RPS6KC1: variants seen among roughly 807,000 people sequenced by gnomAD.
RPS6KC1 encodes the protein ribosomal protein S6 kinase C1, also known as inactive ribosomal protein S6 kinase delta-1.
A neutral mutation model predicts 103.8 loss-of-function variants in RPS6KC1; 54 were observed. That is an observed-to-expected ratio of 0.52 (90% CI 0.42 to 0.65). RPS6KC1 has a LOEUF of 0.65. RPS6KC1 is among the 30% of genes least tolerant of loss of function. The pLI, the probability that RPS6KC1 is intolerant of heterozygous loss-of-function variation, is 0.00. For synonymous variants in RPS6KC1, 439 were observed against 438.7 expected (o/e 1.00, Z -0.01); for missense variants, 1,151 against 1,253.8 (o/e 0.92, Z 1.24).
chr1:213,283,689 G>A, the RPS6KC1 span, among the ~76,000 whole-genome samples: 1 of 152,164 alleles, frequency 6.6e-6, no homozygotes, highest in African/African-American at 2.4e-5. Context: ...TGCCAGCACT[G>A]CCTTCTAGTG....
intron 8 of RPS6KC1, among the ~76,000 whole-genome samples, chr1:213,189,375 G>A (rs764781496): frequency 6.7e-6 from 1 of 150,276 alleles, no homozygotes; most frequent in African/African-American, 2.5e-5. Flanking sequence ...CTTTAACCCA[G>A]GAGGCAGAGG....
chr1:213,127,285 A>G (rs2085090532), intron 5 of RPS6KC1, among the ~76,000 whole-genome samples: 1 of 152,222 alleles, frequency 6.6e-6, no homozygotes, highest in Non-Finnish European at 1.5e-5. Flanking sequence ...GTGCTTGGGC[A>G]TGAATCAAGG....
In RPS6KC1 at chr1:213,214,339, G is replaced by A. The variant is rs147688649; in HGVS notation, c.1045-16158G>A. Among the ~76,000 whole-genome samples the A allele has an allele frequency of 9.3e-3, 1,411 of 152,332 alleles. 44 individuals carry two copies. Among genetic ancestry groups the A allele is most frequent in the East Asian group, 0.071 (366 of 5,176 alleles). ...CAGCGAGGCTGGGGAAGGGGTGCCCGCCCTTGCTGAGGCTTGAGTAGGTAA... is the reference window on the plus strand; with the variant it reads ...CAGCGAGGCTGGGGAAGGGGTGCCCACCCTTGCTGAGGCTTGAGTAGGTAA... On this transcript the variant is annotated intron_variant, in intron 8 of 14. Transcript: ENST00000366960.
chr1:213,419,632 T>C, the RPS6KC1 span, among the ~76,000 whole-genome samples: 1 of 152,188 alleles, frequency 6.6e-6, no homozygotes, highest in Non-Finnish European at 1.5e-5. Context: ...AACATTCAAC[T>C]GCAACCAAAG....
the RPS6KC1 span, among the ~76,000 whole-genome samples, chr1:213,318,458 G>A: frequency 6.6e-6 from 1 of 152,226 alleles, no homozygotes; most frequent in East Asian, 1.9e-4. Flanking sequence ...ATCATAAATT[G>A]AGTTTTGGTC....
the RPS6KC1 span, among the ~76,000 whole-genome samples, chr1:213,566,657 A>G: frequency 0.023 from 3,439 of 150,730 alleles, 68 homozygotes; most frequent in African/African-American, 0.048. Context: ...CAGATCTTTC[A>G]TTCCTCAGAT....
At chr1:213,455,645 GA>G in the RPS6KC1 span, among the ~76,000 whole-genome samples, 1 of 152,132 alleles carries the variant, frequency 6.6e-6, no homozygotes, top group Non-Finnish European at 1.5e-5. Context: ...ATTATGCAGA[GA>G]GAGTATAGAT....
chr1:213,132,865 T>G lies in RPS6KC1; in HGVS notation c.835+2976T>G, dbSNP rs571256529. 2.0e-5 allele frequency among the ~76,000 whole-genome samples: 3 copies of G among 152,276 alleles called. No individual in the cohort carries two copies. The East Asian group carries it at 5.8e-4, about 29-fold the overall frequency. On this transcript the variant is annotated intron_variant, in intron 6 of 14. Coordinates refer to ENST00000366960, the MANE Select transcript of RPS6KC1 (RefSeq NM_012424.6). The stretch of plus-strand genomic sequence containing the variant: ...CAAAGATTCTTGTGGGTTGGCAAAT[T>G]TTGTTATTTTGTTACTAAACTATTC...
At chr1:213,854,498 ATC>A in the RPS6KC1 span, among the ~76,000 whole-genome samples, 9 of 141,134 alleles carry the variant, frequency 6.4e-5, no homozygotes, top group Non-Finnish European at 1.1e-4. Flanking sequence ...GGCCAATATA[ATC>A]TCTTTCTTTC....
At chr1:213,477,558 A>G in the RPS6KC1 span, among the ~76,000 whole-genome samples, 288 of 152,272 alleles carry the variant, frequency 1.9e-3, no homozygotes, top group African/African-American at 6.7e-3. Context: ...TGTTTTTTAA[A>G]ATTTGTAGTT....
chr1:213,822,272 A>C, the RPS6KC1 span: 5,869 of 152,268 alleles, frequency 0.039, 214 homozygotes, highest in East Asian at 0.17. Context: ...TTCTTTTGCC[A>C]GGTCTTCCTC....
the RPS6KC1 span, among the ~76,000 whole-genome samples, chr1:213,321,601 T>C: frequency 3.3e-5 from 5 of 152,228 alleles, no homozygotes; most frequent in East Asian, 1.9e-4. Context: ...GCACCTACTA[T>C]GGACCAGGCA....
intron 2 of RPS6KC1, among the ~76,000 whole-genome samples, chr1:213,071,453 C>T (rs571214795): frequency 1.3e-5 from 2 of 152,166 alleles, no homozygotes; most frequent in South Asian, 2.1e-4. Context: ...TATATGTTTG[C>T]GTGAAGATTG....
chr1:213,747,726 A>G, the RPS6KC1 span, among the ~76,000 whole-genome samples: 1 of 152,188 alleles, frequency 6.6e-6, no homozygotes, highest in Non-Finnish European at 1.5e-5. Flanking sequence ...AGAAAAGAAA[A>G]TCAGAGAGCT....
the RPS6KC1 span, among the ~76,000 whole-genome samples, chr1:213,822,903 A>G: frequency 3.3e-5 from 5 of 152,054 alleles, no homozygotes; most frequent in African/African-American, 1.2e-4. Flanking sequence ...TCTATAATCT[A>G]CTATCTTTAC....
the RPS6KC1 span, among the ~76,000 whole-genome samples, chr1:213,449,032 T>A: frequency 6.6e-6 from 1 of 152,170 alleles, no homozygotes; most frequent in African/African-American, 2.4e-5. Context: ...CAGATGTCCT[T>A]TGTAATTTGT....
At chr1:213,162,127 T>C (rs544663974) in intron 6 of RPS6KC1, among the ~76,000 whole-genome samples, 5 of 152,354 alleles carry the variant, frequency 3.3e-5, no homozygotes, top group African/African-American at 1.2e-4. Flanking sequence ...TTGGTGTCTG[T>C]CATTAGATCT....
the RPS6KC1 span, chr1:213,832,534 G>T: frequency 6.6e-6 from 1 of 152,178 alleles, no homozygotes; most frequent in Non-Finnish European, 1.5e-5. Context: ...GAGTCATGTT[G>T]TCCATTTTCC....
the RPS6KC1 span, among the ~76,000 whole-genome samples, chr1:213,757,371 G>T: frequency 6.6e-6 from 1 of 152,294 alleles, no homozygotes; most frequent in East Asian, 1.9e-4. Flanking sequence ...AAGCAAAATG[G>T]CGTGATTGCT....
Sources: allele counts gnomAD v4.1 joint callset (sites outside exome capture counted in the v4.1 genomes callset), GRCh38; gene constraint gnomAD v4.1.1; transcripts MANE v1.5; gene names NCBI Gene and HGNC (gene_info 2026-07-23, HGNC 2026-07-21).